Variants in DCC observed in about 807,000 individuals in gnomAD.
The protein encoded by DCC is DCC netrin 1 receptor.
DCC carries 58 observed loss-of-function variants against 172.5 expected under a neutral mutation model. That is an observed-to-expected ratio of 0.34 (90% CI 0.27 to 0.42). The LOEUF is 0.42. Ranked by LOEUF, DCC falls within the 10% of genes least tolerant of loss-of-function variation. The pLI, the probability that DCC is intolerant of heterozygous loss-of-function variation, is 1.00. For missense variants in DCC, 1,740 were observed against 1,791.0 expected, an observed-to-expected ratio of 0.97 and a Z score of 0.51; for synonymous variants, 709 against 644.5, an observed-to-expected ratio of 1.10 and a Z score of -1.52.
At chr18:53,483,915 C>T (rs1384051284) in intron 25 of DCC, among the ~76,000 whole-genome samples, 1 of 151,246 alleles carries the variant, frequency 6.6e-6, no homozygotes, top group Non-Finnish European at 1.5e-5. Context: ...TTCCAGTGTG[C>T]TTGTTGTTGA....
At chr18:53,323,268 C>T (rs2057432221) in intron 14 of DCC, among the ~76,000 whole-genome samples, 1 of 152,064 alleles carries the variant, frequency 6.6e-6, no homozygotes, top group Admixed American at 6.6e-5. Context: ...TCTCCTTTGT[C>T]TTCCTCTTTT....
intron 11 of DCC, among the ~76,000 whole-genome samples, chr18:53,211,278 A>G (rs1026085906): frequency 1.3e-5 from 2 of 152,192 alleles, no homozygotes; most frequent in Non-Finnish European, 2.9e-5. Context: ...TACTTTACAG[A>G]TGACAAAACT....
chr18:53,247,977 T>C (rs1303142177), intron 12 of DCC, among the ~76,000 whole-genome samples: 1 of 152,034 alleles, frequency 6.6e-6, no homozygotes, highest in South Asian at 2.1e-4. Flanking sequence ...CTTTCAGCCA[T>C]ACATGTCAAC....
intron 1 of DCC, among the ~76,000 whole-genome samples, chr18:52,384,109 A>C (rs1169654311): frequency 6.6e-6 from 1 of 152,048 alleles, no homozygotes; most frequent in Non-Finnish European, 1.5e-5. Context: ...GAGAATAATA[A>C]ATTTCTTATG....
In DCC at chr18:52,371,728, C is replaced by T. The variant is rs146035924; in HGVS notation, c.91+30850C>T. Among the ~76,000 whole-genome samples, 141 of 152,284 alleles carry T rather than the reference C, an allele frequency of 9.3e-4. 1 individual carries two copies. Among genetic ancestry groups the T allele is most frequent in the African/African-American group, 3.2e-3 (132 of 41,560 alleles). ...TAGAATTGGTTTGGAAATGACTCTT[C>T]GAATGAATCTATCAATTTTCTGTCT... On this transcript the variant is annotated intron_variant, in intron 1 of 28. Coordinates refer to ENST00000442544, the MANE Select transcript of DCC (RefSeq NM_005215.4).
chr18:53,157,856 A>G (rs1391868671), intron 8 of DCC, among the ~76,000 whole-genome samples: 1 of 152,186 alleles, frequency 6.6e-6, no homozygotes, highest in Admixed American at 6.5e-5. Context: ...TTGTAATCCC[A>G]TTTCTGTCAT....
At chr18:52,412,451 C>T (rs1213934555) in intron 1 of DCC, among the ~76,000 whole-genome samples, 1 of 151,876 alleles carries the variant, frequency 6.6e-6, no homozygotes, top group Non-Finnish European at 1.5e-5. Flanking sequence ...GGATGATATA[C>T]AAGAAATATC....
chr18:53,274,402 C>G (rs759098505), intron 12 of DCC, among the ~76,000 whole-genome samples: 1 of 152,086 alleles, frequency 6.6e-6, no homozygotes, highest in African/African-American at 2.4e-5. Context: ...AACAACTTTG[C>G]TATGTAAGCA....
chr18:53,425,334 A>C (rs1910851442), intron 21 of DCC, among the ~76,000 whole-genome samples: 1 of 142,628 alleles, frequency 7.0e-6, no homozygotes, highest in African/African-American at 2.5e-5. Context: ...ATTTCTGTCC[A>C]CAATTTTCCC....
At chr18:53,146,666 G>GA (rs921144910) in intron 7 of DCC, among the ~76,000 whole-genome samples, 8 of 151,622 alleles carry the variant, frequency 5.3e-5, no homozygotes, top group Non-Finnish European at 8.8e-5. Context: ...CTTTATTCAA[G>GA]AAAAAAAAGG....
intron 12 of DCC, among the ~76,000 whole-genome samples, chr18:53,215,835 C>T (rs536554667): frequency 6.6e-6 from 1 of 152,214 alleles, no homozygotes; most frequent in East Asian, 1.9e-4. Context: ...ATTAAACAAA[C>T]ATTGATTTTG....
chr18:53,027,978 C>A (rs1169298950), intron 5 of DCC, among the ~76,000 whole-genome samples: 3 of 151,994 alleles, frequency 2.0e-5, no homozygotes, highest in African/African-American at 7.2e-5. Context: ...ACCATGGAGA[C>A]CTGAACAGTG....
At chr18:53,122,903 A>G (rs2043503223) in intron 7 of DCC, among the ~76,000 whole-genome samples, 1 of 152,012 alleles carries the variant, frequency 6.6e-6, no homozygotes, top group South Asian at 2.1e-4. Flanking sequence ...TTGCATGCAT[A>G]TCTTTGCCAA....
intron 1 of DCC, among the ~76,000 whole-genome samples, chr18:52,434,638 T>C (rs951743013): frequency 3.9e-5 from 6 of 152,282 alleles, no homozygotes; most frequent in Non-Finnish European, 8.8e-5. Context: ...ATTTTTCTTT[T>C]TTTTTTTTAA....
In DCC at chr18:52,568,914, G is replaced by A. The variant is rs552175274; in HGVS notation, c.92-183140G>A. 7.9e-5 allele frequency among the ~76,000 whole-genome samples: 12 copies of A among 152,230 alleles called. No homozygotes were observed. The East Asian group carries it at 2.3e-3, about 29-fold the overall frequency. On this transcript the variant is annotated intron_variant, in intron 1 of 28. Coordinates refer to ENST00000442544, the MANE Select transcript of DCC (RefSeq NM_005215.4). ...TAAAAATTACACTAATTATGGGATT[G>A]TCTTGTGCATTAGAAATACTATGAT...
chr18:53,146,733 C>T (rs906083103), intron 7 of DCC, among the ~76,000 whole-genome samples: 5 of 152,154 alleles, frequency 3.3e-5, no homozygotes, highest in African/African-American at 1.2e-4. Flanking sequence ...ATAGGAATAC[C>T]TGCCAAGCGT....
At chr18:53,089,497 T>TG (rs2042971339) in intron 7 of DCC, among the ~76,000 whole-genome samples, 1 of 152,036 alleles carries the variant, frequency 6.6e-6, no homozygotes, top group Non-Finnish European at 1.5e-5. Context: ...TCTTTCTTCA[T>TG]GAAAAAGTTA....
intron 1 of DCC, among the ~76,000 whole-genome samples, chr18:52,649,170 G>A (rs1034745709): frequency 6.6e-6 from 1 of 152,144 alleles, no homozygotes; most frequent in Non-Finnish European, 1.5e-5. Flanking sequence ...TCAGGAGATC[G>A]AGACCATACT....
chr18:52,969,979 A>G (rs900332054), intron 5 of DCC, among the ~76,000 whole-genome samples: 25 of 152,238 alleles, frequency 1.6e-4, no homozygotes, highest in African/African-American at 5.8e-4. Context: ...TCAAAGTACA[A>G]TGATAAGAGT....
Sources: allele counts gnomAD v4.1 joint callset (sites outside exome capture counted in the v4.1 genomes callset), GRCh38; gene constraint gnomAD v4.1.1; transcripts MANE v1.5; gene names NCBI Gene and HGNC (gene_info 2026-07-23, HGNC 2026-07-21).